BMAL2: variants seen among roughly 807,000 people sequenced by gnomAD.
BMAL2 encodes basic helix-loop-helix ARNT-like protein 2.
the BMAL2 span, among the ~76,000 whole-genome samples, chr12:27,386,631 T>C: frequency 1.3e-5 from 2 of 152,184 alleles, no homozygotes; most frequent in African/African-American, 4.8e-5. Flanking sequence ...GGTAATTTTA[T>C]TTTATTGTTA....
the BMAL2 span, among the ~76,000 whole-genome samples, chr12:27,380,583 G>A: frequency 6.6e-6 from 1 of 152,204 alleles, no homozygotes; most frequent in Non-Finnish European, 1.5e-5. Flanking sequence ...TGAATTGGAT[G>A]TCAGAAAACT....
the BMAL2 span, among the ~76,000 whole-genome samples, chr12:27,391,633 T>C: frequency 2.0e-5 from 3 of 152,360 alleles, no homozygotes; most frequent in African/African-American, 7.2e-5. Flanking sequence ...CCATAGTGGC[T>C]GAACTAATTT....
At chr12:27,380,541 A>G in the BMAL2 span, 1 of 930,384 alleles carries the variant, frequency 1.1e-6, no homozygotes, top group Non-Finnish European at 1.6e-6. Context: ...ATTCACTGGC[A>G]TTTGTCTATA....
At chr12:27,401,548 T>G in the BMAL2 span, 1 of 1,603,240 alleles carries the variant, frequency 6.2e-7, no homozygotes, top group African/African-American at 1.3e-5. Flanking sequence ...GAGAAAATAC[T>G]TACAGATTCC....
chr12:27,334,632 T>G, the BMAL2 span, among the ~76,000 whole-genome samples: 3 of 152,234 alleles, frequency 2.0e-5, no homozygotes, highest in Non-Finnish European at 4.4e-5. Context: ...TCTTACGAAC[T>G]TACAACAAGC....
At chr12:27,345,309 T>C in the BMAL2 span, among the ~76,000 whole-genome samples, 6 of 152,322 alleles carry the variant, frequency 3.9e-5, no homozygotes, top group African/African-American at 1.4e-4. Context: ...CTTTCTTTCC[T>C]TTTCAGTTTC....
the BMAL2 span, among the ~76,000 whole-genome samples, chr12:27,355,420 A>G: frequency 1.3e-5 from 2 of 152,138 alleles, no homozygotes; most frequent in African/African-American, 4.8e-5. Context: ...TGGCTCTCCC[A>G]CTGACACCAA....
At chr12:27,371,464 TC>T in the BMAL2 span, among the ~76,000 whole-genome samples, 1 of 152,188 alleles carries the variant, frequency 6.6e-6, no homozygotes, top group Non-Finnish European at 1.5e-5. Context: ...AGTTGCATAC[TC>T]CTGATCAGGA....
At chr12:27,413,999 G>A in the BMAL2 span, among the ~76,000 whole-genome samples, 3 of 151,808 alleles carry the variant, frequency 2.0e-5, 1 homozygote, top group African/African-American at 7.2e-5. Flanking sequence ...ACCTGTGAAT[G>A]ACCACTGCAC....
chr12:27,371,516 G>T, the BMAL2 span, among the ~76,000 whole-genome samples: 495 of 152,264 alleles, frequency 3.3e-3, no homozygotes, highest in African/African-American at 0.011. Context: ...TGCACTTAGA[G>T]GGGGGTGAGC....
chr12:27,371,733 T>C, the BMAL2 span, among the ~76,000 whole-genome samples: 43 of 31,148 alleles, frequency 1.4e-3, no homozygotes, highest in East Asian at 0.012. Flanking sequence ...CACACACACA[T>C]ATATATATAA....
the BMAL2 span, among the ~76,000 whole-genome samples, chr12:27,405,772 G>C: frequency 6.6e-6 from 1 of 152,126 alleles, no homozygotes; most frequent in Non-Finnish European, 1.5e-5. Flanking sequence ...AGAGAAGAAG[G>C]CTTCAGATGA....
the BMAL2 span, among the ~76,000 whole-genome samples, chr12:27,362,917 C>T: frequency 6.6e-6 from 1 of 152,122 alleles, no homozygotes; most frequent in Non-Finnish European, 1.5e-5. Context: ...AATCCTCCCA[C>T]CTCAGCCTCT....
the BMAL2 span, among the ~76,000 whole-genome samples, chr12:27,386,945 C>T: frequency 6.6e-6 from 1 of 152,112 alleles, no homozygotes; most frequent in African/African-American, 2.4e-5. Flanking sequence ...TATACAGCAC[C>T]TGGCCTAATT....
chr12:27,388,491 T>C, the BMAL2 span, among the ~76,000 whole-genome samples: 1 of 152,046 alleles, frequency 6.6e-6, no homozygotes, highest in Non-Finnish European at 1.5e-5. Context: ...CAGGAAGGCG[T>C]CACACATGAA....
chr12:27,387,759 C>T, the BMAL2 span, among the ~76,000 whole-genome samples: 1 of 152,190 alleles, frequency 6.6e-6, no homozygotes, highest in African/African-American at 2.4e-5. Context: ...ATACATCTTT[C>T]ATTTAACTAG....
the BMAL2 span, among the ~76,000 whole-genome samples, chr12:27,339,349 C>G: frequency 3.3e-5 from 5 of 152,122 alleles, no homozygotes; most frequent in African/African-American, 7.2e-5. Context: ...TTTTCTTTTT[C>G]TAGTCTACCA....
chr12:27,367,055 A>G, the BMAL2 span, among the ~76,000 whole-genome samples: 2 of 152,332 alleles, frequency 1.3e-5, no homozygotes, highest in South Asian at 2.1e-4. Flanking sequence ...ACCTATGATA[A>G]AAGTTTAATT....
At chr12:27,347,759 C>T in the BMAL2 span, among the ~76,000 whole-genome samples, 6 of 152,204 alleles carry the variant, frequency 3.9e-5, no homozygotes, top group South Asian at 1.0e-3. Context: ...AGTGCCATGC[C>T]CTTAGGATCA....
Sources: gnomAD v4.1 joint callset for allele counts (sites outside exome capture counted in the v4.1 genomes callset) on GRCh38, gnomAD v4.1.1 for gene constraint, MANE v1.5 for transcripts, NCBI Gene and HGNC (gene_info 2026-07-23, HGNC 2026-07-21) for gene names.